Variants in TRMT11 observed in about 807,000 individuals in gnomAD.
TRMT11 encodes the protein tRNA (guanine(10)-N(2))-methyltransferase TRMT11.
Under a neutral mutation model 62.8 loss-of-function variants are expected in TRMT11, and 53 were observed. The observed-to-expected ratio is 0.84, with a 90% CI of 0.68 to 1.06. The LOEUF is 1.06. TRMT11 is among the 50% of genes least tolerant of loss of function. The pLI, the probability that TRMT11 is intolerant of heterozygous loss-of-function variation, is 0.00. For synonymous variants in TRMT11, 188 were observed against 190.3 expected (o/e 0.99, Z 0.10); for missense variants, 556 against 553.4 (o/e 1.00, Z -0.05).
the TRMT11 span, among the ~76,000 whole-genome samples, chr6:126,230,866 G>A: frequency 9.8e-3 from 1,487 of 152,220 alleles, 7 homozygotes; most frequent in Non-Finnish European, 0.017. Flanking sequence ...CGTTAAAACT[G>A]TCTTAACTTC....
intron 3 of TRMT11, 59 bp from the exon 4 acceptor site, chr6:125,997,994 T>G: frequency 8.6e-7 from 1 of 1,163,416 alleles, no homozygotes; most frequent in Non-Finnish European, 1.3e-6. Flanking sequence ...AATGACTGTA[T>G]GTATTCCTGT....
the TRMT11 span, among the ~76,000 whole-genome samples, chr6:126,256,641 C>T: frequency 4.6e-5 from 7 of 152,066 alleles, no homozygotes; most frequent in Admixed American, 4.6e-4. Context: ...AGGAACTTTT[C>T]CATTCAAAAA....
chr6:126,236,724 A>G, the TRMT11 span, among the ~76,000 whole-genome samples: 4 of 151,804 alleles, frequency 2.6e-5, no homozygotes, highest in Non-Finnish European at 5.9e-5. Context: ...TTTCCTCTCC[A>G]TATTTCCTTA....
At chr6:126,227,803 T>A in the TRMT11 span, among the ~76,000 whole-genome samples, 2 of 152,212 alleles carry the variant, frequency 1.3e-5, no homozygotes, top group East Asian at 3.9e-4. Flanking sequence ...CCTCCTTTTA[T>A]ATGACACTAG....
At chr6:126,172,109 T>C (rs1562340144) in intron 21 of TRMT11, among the ~76,000 whole-genome samples, 1 of 152,152 alleles carries the variant, frequency 6.6e-6, no homozygotes, top group Non-Finnish European at 1.5e-5. Context: ...AGTGGCTGAA[T>C]TACTTGATCA....
chr6:126,041,983 TTATC>T (rs1349621165), downstream of TRMT11, among the ~76,000 whole-genome samples: 1 of 152,162 alleles, frequency 6.6e-6, no homozygotes, highest in Non-Finnish European at 1.5e-5. Flanking sequence ...TCTCAGATAT[TTATC>T]AAGTAATGTG....
rs928012537 is a variant in TRMT11 at position 125,995,863 on chromosome 6, A to G, written c.139-104A>G. On this transcript the variant is annotated intron_variant, in intron 2 of 12. Transcript: ENST00000334379. The stretch of plus-strand genomic sequence containing the variant: ...TTACAGTCAGATCAGATATTCTTAC[A>G]TGAAAGTAGCAAATAGGCACTTCTC... 8 of 724,844 alleles carry G rather than the reference A, an allele frequency of 1.1e-5. No individual in the cohort carries two copies. The East Asian group carries it at 1.9e-4, about 17-fold the overall frequency. The allele number at this position is 724,844 out of a possible 1,614,324, so 44.9% of individuals were successfully genotyped here.
At chr6:126,153,689 A>C (rs1778084301) in intron 21 of TRMT11, among the ~76,000 whole-genome samples, 1 of 152,220 alleles carries the variant, frequency 6.6e-6, no homozygotes, top group Admixed American at 6.5e-5. Context: ...TGTTAAACCA[A>C]ATCTGCACAT....
At chr6:126,060,896 T>G (rs1776517501) in intron 17 of TRMT11, among the ~76,000 whole-genome samples, 1 of 152,252 alleles carries the variant, frequency 6.6e-6, no homozygotes, top group Non-Finnish European at 1.5e-5. Context: ...TTATGTAGTT[T>G]CTGTGCTCAG....
chr6:126,080,961 T>A (rs1274856484), intron 17 of TRMT11, among the ~76,000 whole-genome samples: 2 of 152,200 alleles, frequency 1.3e-5, no homozygotes, highest in Admixed American at 6.5e-5. Flanking sequence ...GAACTTCCCA[T>A]TACTACAAAG....
At chr6:126,093,628 TA>T (rs1777305797) in intron 17 of TRMT11, among the ~76,000 whole-genome samples, 1 of 105,830 alleles carries the variant, frequency 9.4e-6, no homozygotes, top group Non-Finnish European at 1.8e-5. Context: ...TATATATATA[TA>T]TATTTTCCCC....
At chr6:126,252,462 T>C in the TRMT11 span, among the ~76,000 whole-genome samples, 1 of 152,190 alleles carries the variant, frequency 6.6e-6, no homozygotes, top group Non-Finnish European at 1.5e-5. Context: ...TATTATCTAG[T>C]CTTGGGACTC....
chr6:126,195,742 T>G (rs187342896), intron 1 of TRMT11, among the ~76,000 whole-genome samples: 2 of 152,202 alleles, frequency 1.3e-5, no homozygotes, highest in Non-Finnish European at 2.9e-5. Context: ...CATGGTTGTT[T>G]CCCTTATTTG....
At chr6:126,252,819 C>T in the TRMT11 span, among the ~76,000 whole-genome samples, 4 of 152,090 alleles carry the variant, frequency 2.6e-5, no homozygotes, top group Non-Finnish European at 4.4e-5. Flanking sequence ...TGAACTTTTC[C>T]GGAATAACGA....
At chr6:126,223,609 C>T in the TRMT11 span, among the ~76,000 whole-genome samples, 1 of 152,092 alleles carries the variant, frequency 6.6e-6, no homozygotes, top group African/African-American at 2.4e-5. Context: ...CTCACGTTGA[C>T]CTTGCAAAAT....
chr6:126,074,360 G>T (rs1033730701), intron 17 of TRMT11, among the ~76,000 whole-genome samples: 2 of 152,252 alleles, frequency 1.3e-5, no homozygotes, highest in Middle Eastern at 3.4e-3. Context: ...CAGGGCACAG[G>T]TTTTGTTTCT....
At chr6:126,260,586 TC>T in the TRMT11 span, among the ~76,000 whole-genome samples, 1 of 152,194 alleles carries the variant, frequency 6.6e-6, no homozygotes, top group Non-Finnish European at 1.5e-5. Context: ...GTTGTAGCAC[TC>T]CCTTAAGCAT....
At chr6:126,151,916 T>TTTCTTTCTTTCTTTCTTTCTTTCTTTCC (rs1778059121) in intron 21 of TRMT11, among the ~76,000 whole-genome samples, 1 of 93,190 alleles carries the variant, frequency 1.1e-5, no homozygotes, top group Non-Finnish European at 2.1e-5. Context: ...TCTTTCTTTC[T>TTTCTTTCTTTCTTTCTTTCTTTCTTTCC]TTCTTTCTTT....
At chr6:126,007,334 ACCCATCTT>A (rs1233763847) in intron 7 of TRMT11, among the ~76,000 whole-genome samples, 1 of 151,992 alleles carries the variant, frequency 6.6e-6, no homozygotes, top group Non-Finnish European at 1.5e-5. Flanking sequence ...CAGAGGCACT[ACCCATCTT>A]AGTTACAGAG....
Sources: allele counts gnomAD v4.1 joint callset (sites outside exome capture counted in the v4.1 genomes callset), GRCh38; gene constraint gnomAD v4.1.1; transcripts MANE v1.5; gene names NCBI Gene and HGNC (gene_info 2026-07-23, HGNC 2026-07-21).